The following DGKH variants were observed in gnomAD, a reference collection of about 807,000 sequenced individuals.
DGKH encodes diacylglycerol kinase eta.
In DGKH, 90 loss-of-function variants were observed where a neutral mutation model predicts 159.3. The observed-to-expected ratio is 0.57, with a 90% CI of 0.48 to 0.67. DGKH has a LOEUF of 0.67. Among genes scored for constraint, DGKH ranks in the 30% least tolerant of loss-of-function variants. DGKH has a pLI of 0.00. For synonymous variants in DGKH, 536 were observed against 553.8 expected, an observed-to-expected ratio of 0.97 and a Z score of 0.45; for missense variants, 1,181 against 1,506.1, an observed-to-expected ratio of 0.78 and a Z score of 3.57.
chr13:42,128,724 A>G (rs1296931486), intron 2 of DGKH, among the ~76,000 whole-genome samples: 3 of 152,128 alleles, frequency 2.0e-5, no homozygotes, highest in East Asian at 1.9e-4. Flanking sequence ...TTAATTGTCT[A>G]TCTTACCTTA....
At chr13:42,219,433 A>G in intron 27 of DGKH, 84 bp downstream of exon 27, 1 of 1,539,530 alleles carries the variant, frequency 6.5e-7, no homozygotes, top group Non-Finnish European at 8.8e-7. Context: ...AGAGATATTT[A>G]GGGAAAAATG....
In DGKH at chr13:42,041,518, G is replaced by A. The variant is rs574760382; in HGVS notation, c.-13+1392G>A. Among the ~76,000 whole-genome samples the A allele has an allele frequency of 2.6e-5, 4 of 152,354 alleles. No homozygotes were observed. In the East Asian group the frequency reaches 7.7e-4, roughly 29 times the overall value. ...ATTTCGCTGCACACGCAACGCGGAG[G>A]TTGAGTAATTTTAGGAACCAAGAGT... On this transcript the variant is annotated intron_variant, in intron 1 of 29. Coordinates refer to the DGKH transcript ENST00000379274.
intron 1 of DGKH, among the ~76,000 whole-genome samples, chr13:42,120,276 G>A (rs956459964): frequency 2.0e-5 from 3 of 152,174 alleles, no homozygotes; most frequent in African/African-American, 7.2e-5. Context: ...TTGAAGGAAT[G>A]AATATTTGAA....
intron 1 of DGKH, chr13:42,070,678 C>T: frequency 6.2e-7 from 1 of 1,612,344 alleles, no homozygotes; most frequent in Non-Finnish European, 8.5e-7. Context: ...ATACTTGAGC[C>T]CCCGTAGCAG....
intron 3 of DGKH, among the ~76,000 whole-genome samples, chr13:42,141,210 T>C (rs1289963184): frequency 2.6e-5 from 4 of 151,696 alleles, no homozygotes; most frequent in African/African-American, 9.7e-5. Flanking sequence ...GCTTCATCCA[T>C]GTCCCTACAA....
At chr13:42,110,132 T>A (rs915483841) in intron 1 of DGKH, among the ~76,000 whole-genome samples, 2 of 152,146 alleles carry the variant, frequency 1.3e-5, no homozygotes, top group Non-Finnish European at 2.9e-5. Flanking sequence ...AATAAGCAGA[T>A]CTTTTGCGTG....
intron 1 of DGKH, among the ~76,000 whole-genome samples, chr13:42,049,800 A>T (rs1314260902): frequency 6.6e-6 from 1 of 152,206 alleles, no homozygotes; most frequent in African/African-American, 2.4e-5. Context: ...CTCAAAGTTA[A>T]TTTTTAATTT....
chr13:42,205,126 C>T (rs985174938), intron 20 of DGKH, among the ~76,000 whole-genome samples: 3 of 152,042 alleles, frequency 2.0e-5, no homozygotes, highest in Non-Finnish European at 4.4e-5. Flanking sequence ...AAGCTGTTCT[C>T]TTTTAAAATG....
At chr13:42,188,463 C>T (rs1006051959) in intron 14 of DGKH, among the ~76,000 whole-genome samples, 2 of 152,198 alleles carry the variant, frequency 1.3e-5, no homozygotes, top group Non-Finnish European at 1.5e-5. Context: ...GCATTGTTCA[C>T]TCCTTTGCAA....
At chr13:42,059,905 C>CTTTTTTT (rs11357293) in intron 1 of DGKH, among the ~76,000 whole-genome samples, 9 of 139,806 alleles carry the variant, frequency 6.4e-5, no homozygotes, top group Non-Finnish European at 6.1e-5. Flanking sequence ...TCTCTTTTTT[C>CTTTTTTT]TTTTTTTTTT....
At chr13:42,083,206 T>C (rs998664785) in intron 1 of DGKH, among the ~76,000 whole-genome samples, 1 of 152,116 alleles carries the variant, frequency 6.6e-6, no homozygotes, top group African/African-American at 2.4e-5. Flanking sequence ...TTTTAAAATG[T>C]GTGTGAAGCA....
rs71096557 is a variant in DGKH at position 42,135,507 on chromosome 13, A to AAAAAAAAAAAAG, written c.384+5876_384+5877insAAAAAAAAAAGA. Reference sequence around the variant, plus strand: ...CCTGTCTCAGAAAAAAAAAAAAAAAAAGAGAGAGAGAGAAAAAGAAAAAAA... The same window carrying AAAAAAAAAAAAG: ...CCTGTCTCAGAAAAAAAAAAAAAAAAAAAAAAAAAAAGAGAGAGAGAGAGAAAAAGAAAAAAA... On this transcript the variant is annotated intron_variant, in intron 3 of 29. Coordinates refer to ENST00000337343, the MANE Select transcript of DGKH (RefSeq NM_178009.5). 9.7e-5 allele frequency among the ~76,000 whole-genome samples: 11 copies of AAAAAAAAAAAAG among 113,432 alleles called. No individual in the cohort carries two copies. The South Asian group carries it at 1.4e-3, about 14-fold the overall frequency. The allele number at this position is 113,432 out of a possible 152,430, so 74.4% of individuals were successfully genotyped here. A position where few individuals can be genotyped will look rare whatever the true frequency, so the allele number is the denominator to read the frequency against.
intron 13 of DGKH, among the ~76,000 whole-genome samples, chr13:42,178,517 A>G (rs1956664929): frequency 6.6e-6 from 1 of 152,222 alleles, no homozygotes; most frequent in African/African-American, 2.4e-5. Context: ...AATGTTTATG[A>G]TTACTTATAA....
intron 3 of DGKH, among the ~76,000 whole-genome samples, chr13:42,152,543 AC>A (rs1315021117): frequency 2.7e-5 from 4 of 150,380 alleles, no homozygotes; most frequent in Non-Finnish European, 5.9e-5. Flanking sequence ...ATAATAAGAT[AC>A]CCCAACAAGT....
At chr13:42,214,671 T>G in intron 25 of DGKH, 59 bp downstream of exon 25, 1 of 1,535,964 alleles carries the variant, frequency 6.5e-7, no homozygotes, top group Non-Finnish European at 8.9e-7. Flanking sequence ...ACACATGTAT[T>G]TTAATACTGT....
chr13:42,193,179 C>A (rs1454170497), intron 16 of DGKH, among the ~76,000 whole-genome samples: 1 of 152,150 alleles, frequency 6.6e-6, no homozygotes, highest in Admixed American at 6.5e-5. Flanking sequence ...GGCATCCTTA[C>A]TATACACTGA....
chr13:42,233,555 C>T lies in DGKH; in HGVS notation c.*4367C>T, dbSNP rs781280757. On this transcript the variant is annotated 3_prime_UTR_variant, in exon 30 of 30. Transcript: ENST00000337343. Reference sequence around the variant, plus strand: ...CTCCAGCAATGAGCTGAAACTCATTCATCACCCTTGCTGAGTTTTCTTCTC... The same window carrying T: ...CTCCAGCAATGAGCTGAAACTCATTTATCACCCTTGCTGAGTTTTCTTCTC... 1.3e-5 allele frequency: 2 copies of T among 152,214 alleles called. No individual in the cohort carries two copies. Among genetic ancestry groups the T allele is most frequent in the African/African-American group, 2.4e-5 (1 of 41,448 alleles). The allele number at this position is 152,214 out of a possible 1,614,324, so 9.4% of individuals were successfully genotyped here.
Position 42,178,344 on chromosome 13 carries a change from T to C in DGKH, c.1538+124T>C, listed in dbSNP as rs1327197574. 4.5e-6 allele frequency: 3 copies of C among 661,206 alleles called. No individual in the cohort carries two copies. The East Asian group carries it at 8.1e-5, about 18-fold the overall frequency. The allele number at this position is 661,206 out of a possible 1,614,324, so 41.0% of individuals were successfully genotyped here. ...ATATCTTGGAAGTAGCTTATAAAATTAGATGTACTAAATTTGAATTGATTT... is the reference window on the plus strand; with the variant it reads ...ATATCTTGGAAGTAGCTTATAAAATCAGATGTACTAAATTTGAATTGATTT... On this transcript the variant is annotated intron_variant, in intron 13 of 29. Transcript: ENST00000337343.
intron 1 of DGKH, among the ~76,000 whole-genome samples, chr13:42,052,476 T>C (rs894647949): frequency 6.6e-6 from 1 of 152,364 alleles, no homozygotes; most frequent in East Asian, 1.9e-4. Flanking sequence ...AAGTCACTTA[T>C]GTACAAAAGT....
Sources: gnomAD v4.1 joint callset for allele counts (sites outside exome capture counted in the v4.1 genomes callset) on GRCh38, gnomAD v4.1.1 for gene constraint, MANE v1.5 for transcripts, NCBI Gene and HGNC (gene_info 2026-07-23, HGNC 2026-07-21) for gene names.